The following GSE1 variants were observed in gnomAD, a reference collection of about 807,000 sequenced individuals.
GSE1 encodes the protein genetic suppressor element 1.
A neutral mutation model predicts 112.6 loss-of-function variants in GSE1; 32 were observed. The ratio of observed to expected loss-of-function variants is 0.28; its 90% CI spans 0.21 to 0.38. The LOEUF is 0.38. GSE1 is among the 10% of genes least tolerant of loss of function. The pLI is 1.00. For synonymous variants in GSE1, 1,115 were observed against 735.6 expected, an observed-to-expected ratio of 1.52 and a Z score of -8.35; for missense variants, 2,348 against 1,699.2, an observed-to-expected ratio of 1.38 and a Z score of -6.71.
At chr16:85,562,374 T>C (rs754596916) in intron 1 of GSE1, among the ~76,000 whole-genome samples, 11 of 148,294 alleles carry the variant, frequency 7.4e-5, no homozygotes, top group Non-Finnish European at 1.3e-4. Context: ...CCTGCCCAAT[T>C]TGGTTCTCAT....
intron 1 of GSE1, among the ~76,000 whole-genome samples, chr16:85,316,225 G>A (rs2045983375): frequency 6.6e-6 from 1 of 152,224 alleles, no homozygotes; most frequent in Admixed American, 6.5e-5. Context: ...AGGAAAAGCA[G>A]GTGAAATTTA....
intron 2 of GSE1, among the ~76,000 whole-genome samples, chr16:85,399,388 T>C (rs1271926366): frequency 6.6e-6 from 1 of 151,976 alleles, no homozygotes; most frequent in Non-Finnish European, 1.5e-5. Flanking sequence ...GCCTTCAGAG[T>C]GTCTAATTGT....
chr16:85,451,491 C>A (rs1458735584), intron 2 of GSE1, among the ~76,000 whole-genome samples: 4 of 71,158 alleles, frequency 5.6e-5, no homozygotes. Context: ...GGTGTGTGTG[C>A]TGGTGGTTGG....
intron 2 of GSE1, among the ~76,000 whole-genome samples, chr16:85,462,003 C>T (rs928002796): frequency 6.6e-6 from 1 of 152,204 alleles, no homozygotes; most frequent in African/African-American, 2.4e-5. Context: ...AGCCTCGGTG[C>T]TCACAGCACT....
chr16:85,644,734 G>A (rs1034501377), intron 2 of GSE1, among the ~76,000 whole-genome samples: 2 of 151,960 alleles, frequency 1.3e-5, no homozygotes, highest in African/African-American at 2.4e-5. Context: ...GGTGATGGTC[G>A]CACAACTCTG....
intron 3 of GSE1, among the ~76,000 whole-genome samples, chr16:85,650,973 C>G (rs1451577714): frequency 1.3e-5 from 2 of 151,332 alleles, no homozygotes; most frequent in East Asian, 3.9e-4. Context: ...AGGGCATGTC[C>G]CGCCTGTCTG....
At chr16:85,331,703 ATATATT>A (rs1339853807) in intron 1 of GSE1, among the ~76,000 whole-genome samples, 655 of 40,564 alleles carry the variant, frequency 0.016, 37 homozygotes, top group South Asian at 0.036. Flanking sequence ...ATATATATAT[ATATATT>A]TTTTTTTTTT....
intron 1 of GSE1, among the ~76,000 whole-genome samples, chr16:85,274,699 C>G (rs908408116): frequency 1.3e-5 from 2 of 152,222 alleles, no homozygotes; most frequent in African/African-American, 2.4e-5. Context: ...CCCCCTCTCG[C>G]CAGTGGGAGG....
intron 12 of GSE1, 91 bp downstream of exon 12, chr16:85,665,219 G>C: frequency 1.4e-6 from 1 of 708,142 alleles, no homozygotes; most frequent in East Asian, 2.6e-5. Flanking sequence ...CTTCATCATT[G>C]TGAATGTGGC....
At chr16:85,345,313 T>A (rs1226863087) in intron 1 of GSE1, among the ~76,000 whole-genome samples, 3 of 152,236 alleles carry the variant, frequency 2.0e-5, no homozygotes, top group African/African-American at 7.2e-5. Context: ...CAGCCACACA[T>A]GTTCATTTAG....
intron 1 of GSE1, among the ~76,000 whole-genome samples, chr16:85,587,439 G>A (rs570011449): frequency 2.0e-5 from 3 of 152,278 alleles, no homozygotes; most frequent in East Asian, 1.9e-4. Flanking sequence ...AACTGATCAC[G>A]GCAGTGTGCA....
At chr16:85,199,405 C>T (rs555865271) in intron 1 of GSE1, among the ~76,000 whole-genome samples, 7 of 152,302 alleles carry the variant, frequency 4.6e-5, no homozygotes, top group Non-Finnish European at 8.8e-5. Flanking sequence ...CTTCTGTCCA[C>T]TGGTGGGACT....
chr16:85,230,977 A>G (rs542651352), intron 1 of GSE1, among the ~76,000 whole-genome samples: 4 of 152,034 alleles, frequency 2.6e-5, no homozygotes, highest in East Asian at 1.9e-4. Context: ...GGACGGACGG[A>G]CGGATGGATA....
chr16:85,624,860 G>T (rs537191193), intron 1 of GSE1, among the ~76,000 whole-genome samples: 12 of 152,204 alleles, frequency 7.9e-5, no homozygotes, highest in Non-Finnish European at 1.2e-4. Flanking sequence ...GCTGGGAATC[G>T]GCCGGCATGG....
intron 1 of GSE1, among the ~76,000 whole-genome samples, chr16:85,235,724 C>T (rs900501806): frequency 6.6e-6 from 1 of 151,722 alleles, no homozygotes; most frequent in Non-Finnish European, 1.5e-5. Context: ...TTCCCCTCTG[C>T]GGCGGGACTA....
chr16:85,602,578 C>T (rs555011673), intron 1 of GSE1, among the ~76,000 whole-genome samples: 82 of 152,120 alleles, frequency 5.4e-4, no homozygotes, highest in African/African-American at 1.8e-3. Context: ...AGAACCCGGC[C>T]TCCTGGGTGC....
chr16:85,582,905 A>G (rs1356280123), intron 1 of GSE1, among the ~76,000 whole-genome samples: 1 of 152,220 alleles, frequency 6.6e-6, no homozygotes, highest in Non-Finnish European at 1.5e-5. Context: ...CAGAAGGCAG[A>G]TTAAATATAA....
At chr16:85,504,242 A>T (rs1401093340) in intron 2 of GSE1, among the ~76,000 whole-genome samples, 1 of 152,236 alleles carries the variant, frequency 6.6e-6, no homozygotes, top group East Asian at 1.9e-4. Flanking sequence ...GCCACCCCCA[A>T]AGCCCACGAT....
intron 1 of GSE1, among the ~76,000 whole-genome samples, chr16:85,176,512 C>G (rs2074468019): frequency 6.6e-6 from 1 of 152,258 alleles, no homozygotes; most frequent in Non-Finnish European, 1.5e-5. Context: ...TTAGCCGGCA[C>G]CTTCCTTCTG....
Sources: gnomAD v4.1 joint callset for allele counts (sites outside exome capture counted in the v4.1 genomes callset) on GRCh38, gnomAD v4.1.1 for gene constraint, MANE v1.5 for transcripts, NCBI Gene and HGNC (gene_info 2026-07-23, HGNC 2026-07-21) for gene names.